The following ARL8B variants were observed in gnomAD, a reference collection of about 807,000 sequenced individuals.
The protein encoded by ARL8B is ADP-ribosylation factor-like protein 8B.
Under a neutral mutation model 30.6 loss-of-function variants are expected in ARL8B, and 9 were observed. The observed-to-expected ratio is 0.29, with a 90% confidence interval of 0.18 to 0.51. ARL8B has a LOEUF of 0.51. Among genes scored for constraint, ARL8B ranks in the 20% least tolerant of loss-of-function variants. The probability of loss-of-function intolerance (pLI) is 0.97; values close to 1 mark genes in which losing one functional copy is unlikely to be tolerated. For synonymous variants in ARL8B, 74 were observed against 76.0 expected (o/e 0.97, Z 0.14); for missense variants, 130 against 227.2 (o/e 0.57, Z 2.75).
intron 1 of ARL8B, among the ~76,000 whole-genome samples, chr3:5,130,597 G>A (rs1430297836): frequency 6.6e-6 from 1 of 150,982 alleles, no homozygotes; most frequent in Non-Finnish European, 1.5e-5. Context: ...GCAGTGGCAT[G>A]ATCTCGGTTG....
At chr3:5,139,080 T>C (rs2054350959) in intron 1 of ARL8B, among the ~76,000 whole-genome samples, 1 of 152,192 alleles carries the variant, frequency 6.6e-6, no homozygotes, top group Non-Finnish European at 1.5e-5. Flanking sequence ...TTATTAATAA[T>C]ATTTTAAAAA....
chr3:5,124,059 G>A (rs2054207324), intron 1 of ARL8B, among the ~76,000 whole-genome samples: 1 of 151,822 alleles, frequency 6.6e-6, no homozygotes, highest in Non-Finnish European at 1.5e-5. Context: ...AGTAGAGATG[G>A]GTTTTGCTTT....
intron 6 of ARL8B, among the ~76,000 whole-genome samples, chr3:5,175,900 C>T (rs1171088117): frequency 6.6e-6 from 1 of 152,168 alleles, no homozygotes; most frequent in East Asian, 1.9e-4. Flanking sequence ...CCCACCTAAT[C>T]CAGTATGACC....
chr3:5,135,239 A>T (rs1357315878), intron 1 of ARL8B, among the ~76,000 whole-genome samples: 2 of 152,164 alleles, frequency 1.3e-5, no homozygotes, highest in Non-Finnish European at 2.9e-5. Flanking sequence ...AATACAAAGA[A>T]CGTTCAGTAA....
Position 5,180,727 on chromosome 3 carries a change from A to G in ARL8B, c.*2014A>G, listed in dbSNP as rs1345513802. 6.6e-6 allele frequency: 1 copy of G among 152,638 alleles called. No homozygotes were observed. The highest frequency in any genetic ancestry group is 1.5e-5 in the Non-Finnish European group (1 of 68,038). 9.5% of individuals were successfully genotyped at this position (152,638 alleles called of 1,614,324 possible). On this transcript the variant is annotated 3_prime_UTR_variant, in exon 7 of 7. Transcript: ENST00000256496. ...ACTGCTCTTCTCAGCTTTATTCAATAAACTTGCATTTTAAGGGTTGTATTG... is the reference window on the plus strand; with the variant it reads ...ACTGCTCTTCTCAGCTTTATTCAATGAACTTGCATTTTAAGGGTTGTATTG...
At chr3:5,140,601 C>G (rs1559278025) in intron 1 of ARL8B, among the ~76,000 whole-genome samples, 2 of 151,036 alleles carry the variant, frequency 1.3e-5, no homozygotes. Context: ...GTCTTTAACT[C>G]TCTAGTGAAT....
rs2054412391 is a variant in ARL8B at position 5,145,617 on chromosome 3, G to A, written c.123+23029G>A. 2.6e-5 allele frequency among the ~76,000 whole-genome samples: 4 copies of A among 152,338 alleles called. No homozygotes were observed. In the South Asian group the frequency reaches 8.3e-4, roughly 32 times the overall value. ...GGAATGGTTTCTCTAAAGATGGGAG[G>A]ACTAGGGCCGGGGCTGTAATGAGGG... On this transcript the variant is annotated intron_variant, in intron 1 of 6. Transcript: ENST00000256496.
chr3:5,134,443 A>G (rs925037487), intron 1 of ARL8B, among the ~76,000 whole-genome samples: 26 of 152,216 alleles, frequency 1.7e-4, no homozygotes, highest in Non-Finnish European at 2.6e-4. Flanking sequence ...GAATTCGAAG[A>G]GTAATTTTTC....
At chr3:5,166,902 T>C (rs908654743) in intron 1 of ARL8B, among the ~76,000 whole-genome samples, 1 of 152,220 alleles carries the variant, frequency 6.6e-6, no homozygotes, top group Non-Finnish European at 1.5e-5. Flanking sequence ...TCTGCTGTTG[T>C]AGCATTCATC....
chr3:5,150,002 T>C (rs2054465515), intron 1 of ARL8B, among the ~76,000 whole-genome samples: 1 of 152,206 alleles, frequency 6.6e-6, no homozygotes. Context: ...TGCTGTTAAG[T>C]ATCTTATATC....
intron 1 of ARL8B, among the ~76,000 whole-genome samples, chr3:5,159,656 G>T (rs763723629): frequency 5.7e-4 from 83 of 145,380 alleles, no homozygotes; most frequent in Non-Finnish European, 1.1e-3. Context: ...AAGGATTTTT[G>T]TTACATACAT....
chr3:5,172,740 A>G lies in ARL8B; in HGVS notation c.372A>G (p.Pro124=), dbSNP rs757127189. ...LLDKPQLQGI[P]VLVLGNKRDL... ...ATAAACCACAGTTACAAGGAATTCC[A>G]GTAAGTATGGAATACTTGTTATTTT... The change falls in exon 4 of 7, where the codon CCA becomes CCG. Residue 124 remains proline (P), a splice_region_variant and synonymous_variant. Transcript: ENST00000256496. The G allele has an allele frequency of 7.7e-6, 12 of 1,564,330 alleles. No homozygotes were observed. Among genetic ancestry groups the G allele is most frequent in the Non-Finnish European group, 8.8e-6 (10 of 1,136,854 alleles).
chr3:5,159,664 C>T (rs1311592706), intron 1 of ARL8B, among the ~76,000 whole-genome samples: 1 of 145,932 alleles, frequency 6.9e-6, no homozygotes, highest in Non-Finnish European at 1.5e-5. Context: ...TTGTTACATA[C>T]ATATCTTACT....
intron 1 of ARL8B, among the ~76,000 whole-genome samples, chr3:5,162,191 C>A (rs147274087): frequency 5.1e-4 from 78 of 152,310 alleles, no homozygotes; most frequent in African/African-American, 1.8e-3. Context: ...AGCCAGAGTT[C>A]ATAAATGCAT....
In ARL8B at chr3:5,122,295, T is replaced by G; in HGVS notation, c.-171T>G. 2 of 1,500,082 alleles carry G rather than the reference T, an allele frequency of 1.3e-6. No homozygotes were observed. The highest frequency in any genetic ancestry group is 1.2e-5 in the South Asian group (1 of 80,700). The allele number at this position is 1,500,082 out of a possible 1,614,324, so 92.9% of individuals were successfully genotyped here. On this transcript the variant is annotated 5_prime_UTR_variant, in exon 1 of 7. An upstream start codon of the reference 5' UTR is lost. Coordinates refer to ENST00000256496, the MANE Select transcript of ARL8B (RefSeq NM_018184.3). ...GGCGTGGGGGGTAGGGCGAGTCATA[T>G]GATCCGCTCGGCTTCCTGGGTCTGG... is the stretch of plus-strand genomic sequence containing the variant.
rs11917418 is a variant in ARL8B at position 5,138,107 on chromosome 3, G to T, written c.123+15519G>T. The stretch of plus-strand genomic sequence containing the variant: ...GGGCAACTTGGTGAAAAATTTACTG[G>T]TTTATTTGGGTTTTTCTTCTGCTGA... On this transcript the variant is annotated intron_variant, in intron 1 of 6. Transcript: ENST00000256496. Among the ~76,000 whole-genome samples the T allele has an allele frequency of 5.3e-3, 792 of 149,834 alleles. 7 individuals carry two copies. The highest frequency in any genetic ancestry group is 0.018 in the African/African-American group (740 of 40,748).
intron 1 of ARL8B, among the ~76,000 whole-genome samples, chr3:5,139,100 G>A (rs1304137556): frequency 6.6e-6 from 1 of 152,120 alleles, no homozygotes; most frequent in Non-Finnish European, 1.5e-5. Flanking sequence ...AATTGTTACT[G>A]AATTTTTTTA....
At chr3:5,159,436 C>T (rs1238187970) in intron 1 of ARL8B, among the ~76,000 whole-genome samples, 1 of 151,294 alleles carries the variant, frequency 6.6e-6, no homozygotes, top group Non-Finnish European at 1.5e-5. Context: ...AACCCTGTCT[C>T]TACTGAAAAT....
intron 1 of ARL8B, among the ~76,000 whole-genome samples, chr3:5,129,165 GTTTTTGT>G (rs201942312): frequency 5.1e-5 from 6 of 118,526 alleles, no homozygotes; most frequent in Admixed American, 8.0e-5. Context: ...GGTCTGAACA[GTTTTTGT>G]TTTTTGTTTT....
Sources: gnomAD v4.1 joint callset for allele counts (sites outside exome capture counted in the v4.1 genomes callset) on GRCh38, gnomAD v4.1.1 for gene constraint, MANE v1.5 for transcripts, NCBI Gene and HGNC (gene_info 2026-07-23, HGNC 2026-07-21) for gene names.